Variants in PKNOX1 observed in about 807,000 individuals in gnomAD.
PKNOX1 encodes homeobox protein PKNOX1.
PKNOX1 carries 15 observed loss-of-function variants against 51.9 expected under a neutral mutation model. The ratio of observed to expected loss-of-function variants is 0.29; its 90% CI spans 0.19 to 0.45. The LOEUF is 0.45. PKNOX1 is among the 20% of genes least tolerant of loss of function. The pLI, the probability that PKNOX1 is intolerant of heterozygous loss-of-function variation, is 1.00. For missense variants in PKNOX1, 462 were observed against 547.5 expected, an observed-to-expected ratio of 0.84 and a Z score of 1.56; for synonymous variants, 219 against 211.1, an observed-to-expected ratio of 1.04 and a Z score of -0.32.
At position 43,016,510 on chromosome 21, in the gene PKNOX1, C is replaced by T. The variant is rs141999157; in HGVS notation, c.523-398C>T. 4.4e-3 allele frequency among the ~76,000 whole-genome samples: 663 copies of T among 152,288 alleles called. 13 individuals carry two copies. The highest frequency in any genetic ancestry group is 0.016 in the Admixed American group (247 of 15,302). ...GGCCTGTGCTATAATCTCTTGAATG[C>T]TCTTATCGGTCAGGGAGAGCTTGGT... is the stretch of plus-strand genomic sequence containing the variant. On this transcript the variant is annotated intron_variant, in intron 5 of 10. Coordinates refer to ENST00000291547, the MANE Select transcript of PKNOX1 (RefSeq NM_004571.5).
At chr21:42,980,909 C>T (rs1362893801) in intron 1 of PKNOX1, among the ~76,000 whole-genome samples, 1 of 152,166 alleles carries the variant, frequency 6.6e-6, no homozygotes, top group Admixed American at 6.6e-5. Context: ...TCACAAATAC[C>T]AAGTTGATTT....
chr21:42,974,806 C>G (rs1384115007), intron 1 of PKNOX1, 142 bp downstream of exon 1: 4 of 150,336 alleles, frequency 2.7e-5, no homozygotes, highest in African/African-American at 4.9e-5. Context: ...CTCGAGGGCC[C>G]GCATTTGACC....
At position 43,033,761 on chromosome 21, in the gene PKNOX1, C is replaced by A. The variant is rs1568909657; in HGVS notation, c.*3660C>A. On this transcript the variant is annotated 3_prime_UTR_variant, in exon 11 of 11. Coordinates refer to ENST00000291547, the MANE Select transcript of PKNOX1 (RefSeq NM_004571.5). ...CAGGTCCATTTACATGTCCAAGAAT[C>A]TTTTCTTAAATTCCTTACTTTGTTC... is the stretch of plus-strand genomic sequence containing the variant. The A allele has an allele frequency of 6.6e-6, 1 of 152,186 alleles. No individual in the cohort carries two copies. The highest frequency in any genetic ancestry group is 1.9e-4 in the East Asian group (1 of 5,196). The allele number at this position is 152,186 out of a possible 1,614,324, so 9.4% of individuals were successfully genotyped here.
In PKNOX1 at chr21:43,021,430, G is replaced by C; in HGVS notation, c.848G>C (p.Gly283Ala). 6.2e-7 allele frequency: 1 copy of C among 1,605,288 alleles called. No individual in the cohort carries two copies. The highest frequency in any genetic ancestry group is 1.3e-5 in the African/African-American group (1 of 74,780). Residue 283 changes from glycine (G) to alanine (A), a missense_variant and splice_region_variant, in exon 8 of 11, where the codon GGG becomes GCG. Around this residue, in one of 5 missense-constraint regions of PKNOX1, gnomAD observed 75 missense variants for 129.8 expected, o/e 0.58. Coordinates refer to ENST00000291547, the MANE Select transcript of PKNOX1 (RefSeq NM_004571.5). This position sits in a 1 kb window ranked among gnomAD's most constrained non-coding sequence, Gnocchi z 4.6. The part of the protein sequence containing the change: ...VMRSWLFQHI[G>A]HPYPTEDEKK... ...CGGTCCTGGCTCTTCCAGCACATCG[G>C]GGTAAGGACGGCTGGGCCAGCCCTT...
At chr21:43,026,348 C>T (rs1396306422) in intron 9 of PKNOX1, among the ~76,000 whole-genome samples, 12 of 152,114 alleles carry the variant, frequency 7.9e-5, no homozygotes, top group Non-Finnish European at 1.8e-4. Flanking sequence ...GCTACTTTTA[C>T]TTTTTGTGAC....
At chr21:43,019,665 C>A (rs1192330235) in intron 7 of PKNOX1, among the ~76,000 whole-genome samples, 1 of 151,798 alleles carries the variant, frequency 6.6e-6, no homozygotes, top group East Asian at 2.0e-4. Flanking sequence ...GCCTCAGCCT[C>A]CCGAGTAGCT....
chr21:42,992,773 T>TCCTCACAGCACTGGGGGGTTC (rs1427813886), intron 1 of PKNOX1, among the ~76,000 whole-genome samples: 6 of 132,130 alleles, frequency 4.5e-5, no homozygotes, highest in Non-Finnish European at 9.4e-5. Context: ...ATTGGGGGCT[T>TCCTCACAGCACTGGGGGGTTC]CCTCACAGCA....
At chr21:42,989,517 A>G (rs2059074647) in intron 1 of PKNOX1, among the ~76,000 whole-genome samples, 1 of 152,040 alleles carries the variant, frequency 6.6e-6, no homozygotes, top group South Asian at 2.1e-4. Flanking sequence ...CCAGGGTTCA[A>G]GTGATTCTCT....
intron 8 of PKNOX1, among the ~76,000 whole-genome samples, chr21:43,024,160 ATC>A (rs1304654569): frequency 8.5e-5 from 13 of 152,262 alleles, no homozygotes; most frequent in Non-Finnish European, 1.9e-4. Flanking sequence ...TCCAGCAGAG[ATC>A]TCACCCCAGG....
At chr21:42,987,669 A>G (rs1483930168) in intron 1 of PKNOX1, among the ~76,000 whole-genome samples, 2 of 140,760 alleles carry the variant, frequency 1.4e-5, no homozygotes, top group Non-Finnish European at 3.0e-5. Context: ...CCCGGGCTGG[A>G]GTGCAGTGGC....
intron 1 of PKNOX1, among the ~76,000 whole-genome samples, chr21:42,990,917 G>A (rs2059084212): frequency 6.6e-6 from 1 of 152,126 alleles, no homozygotes; most frequent in Non-Finnish European, 1.5e-5. Context: ...AGATACGGAG[G>A]GCACTTCTCA....
At chr21:42,985,836 T>G (rs2059049460) in intron 1 of PKNOX1, among the ~76,000 whole-genome samples, 1 of 151,444 alleles carries the variant, frequency 6.6e-6, no homozygotes. Flanking sequence ...CAGTCTCTCC[T>G]AAAAATACAA....
chr21:43,030,025 C>T lies in PKNOX1; in HGVS notation c.1235C>T (p.Thr412Ile). ...AGCGAGGACGAGTCTGTGGACAGCA[C>T]AGAGGAGGATGCGGGTGCCCTGGCC... Reference protein sequence around the residue: ...GQSEDESVDSTEEDAGALAPA... With the variant: ...GQSEDESVDSIEEDAGALAPA... The change falls in exon 11 of 11, where the codon ACA becomes ATA. Residue 412 changes from threonine to isoleucine, a missense_variant. Around this residue, in one of 5 missense-constraint regions of PKNOX1, gnomAD observed 118 missense variants for 116.8 expected, o/e 1.01. Transcript: ENST00000291547. The T allele has an allele frequency of 6.2e-7, 1 of 1,614,030 alleles. No individual in the cohort carries two copies. Among genetic ancestry groups the T allele is most frequent in the Non-Finnish European group, 8.5e-7 (1 of 1,180,002 alleles).
intron 2 of PKNOX1, among the ~76,000 whole-genome samples, chr21:43,005,391 T>C (rs1221601304): frequency 6.6e-6 from 1 of 150,940 alleles, no homozygotes; most frequent in Non-Finnish European, 1.5e-5. Flanking sequence ...GTTCAGTTCC[T>C]GTGGCAGAGA....
At chr21:42,976,357 C>T (rs2058997632) in intron 1 of PKNOX1, among the ~76,000 whole-genome samples, 1 of 152,198 alleles carries the variant, frequency 6.6e-6, no homozygotes, top group South Asian at 2.1e-4. Flanking sequence ...AATCTGGCCT[C>T]AGTGTGGATG....
At chr21:43,023,490 A>C (rs1443144352) in intron 8 of PKNOX1, among the ~76,000 whole-genome samples, 1 of 152,108 alleles carries the variant, frequency 6.6e-6, no homozygotes, top group Admixed American at 6.6e-5. Context: ...CAAGGGCTTT[A>C]GTGCATTCAG....
intron 1 of PKNOX1, among the ~76,000 whole-genome samples, chr21:42,989,290 T>C (rs7276681): frequency 0.15 from 22,239 of 152,020 alleles, 1,940 homozygotes; most frequent in African/African-American, 0.24. Context: ...ATCCCCAACC[T>C]GTTTTTTTCA....
chr21:43,017,338 G>C (rs1397429409), intron 6 of PKNOX1: 1 of 181,466 alleles, frequency 5.5e-6, no homozygotes, highest in East Asian at 1.5e-4. Flanking sequence ...AAAATCTTAA[G>C]TTTTATCATT....
chr21:43,033,167 C>T lies in PKNOX1; in HGVS notation c.*3066C>T, dbSNP rs438889. 0.23 allele frequency: 35,280 copies of T among 151,974 alleles called. 4,538 individuals carry two copies. The highest frequency in any genetic ancestry group is 0.29 in the Non-Finnish European group (19,806 of 67,888). 9.4% of individuals were successfully genotyped at this position (151,974 alleles called of 1,614,324 possible). On this transcript the variant is annotated 3_prime_UTR_variant, in exon 11 of 11. Transcript: ENST00000291547. Reference sequence around the variant, plus strand: ...GCTGTGCTGGGTTCCAGCTCGCTCCCACCGAGGGACTAGCTTGGCCTTTGC... The same window carrying T: ...GCTGTGCTGGGTTCCAGCTCGCTCCTACCGAGGGACTAGCTTGGCCTTTGC...
Sources: allele counts gnomAD v4.1 joint callset (sites outside exome capture counted in the v4.1 genomes callset), GRCh38; gene constraint gnomAD v4.1.1; regional missense constraint gnomAD v4.1.1; non-coding constraint Gnocchi (gnomAD v3.1); transcripts MANE v1.5; gene names NCBI Gene and HGNC (gene_info 2026-07-23, HGNC 2026-07-21).